Variants in OCA2 observed in about 807,000 individuals in gnomAD.
The protein encoded by OCA2 is OCA2 melanosomal transmembrane protein, also known as P protein.
In OCA2, 77 loss-of-function variants were observed where a neutral mutation model predicts 100.2. The observed-to-expected ratio is 0.77, with a 90% CI of 0.64 to 0.93. The LOEUF is 0.93. Ranked by LOEUF, OCA2 falls within the 40% of genes least tolerant of loss-of-function variation. The probability of loss-of-function intolerance (pLI) is 0.00; values close to 1 mark genes in which losing one functional copy is unlikely to be tolerated. For missense variants in OCA2, 1,062 were observed against 1,089.1 expected, an observed-to-expected ratio of 0.98 and a Z score of 0.35; for synonymous variants, 432 against 439.2, an observed-to-expected ratio of 0.98 and a Z score of 0.21.
the OCA2 span, among the ~76,000 whole-genome samples, chr15:27,726,880 A>G: frequency 6.6e-6 from 1 of 152,264 alleles, no homozygotes; most frequent in Non-Finnish European, 1.5e-5. Flanking sequence ...CATTACATGC[A>G]GGGGAACCTG....
intron 2 of OCA2, among the ~76,000 whole-genome samples, chr15:28,056,631 T>G (rs1382616797): frequency 6.6e-6 from 1 of 152,234 alleles, no homozygotes; most frequent in Non-Finnish European, 1.5e-5. Context: ...GCATCAGCAG[T>G]GGACATGTGT....
chr15:27,796,853 C>T (rs1003517310), intron 23 of OCA2, among the ~76,000 whole-genome samples: 1 of 152,320 alleles, frequency 6.6e-6, no homozygotes, highest in East Asian at 1.9e-4. Flanking sequence ...TTCTCCAGCC[C>T]CGCCTACCCA....
At chr15:27,873,284 A>C (rs112382390) in intron 19 of OCA2, among the ~76,000 whole-genome samples, 2,394 of 152,312 alleles carry the variant, frequency 0.016, 56 homozygotes, top group African/African-American at 0.05. Flanking sequence ...CACCTCACCA[A>C]CACCAGTGTG....
intron 9 of OCA2, among the ~76,000 whole-genome samples, chr15:27,994,860 C>T (rs1228324683): frequency 6.6e-6 from 1 of 152,100 alleles, no homozygotes; most frequent in African/African-American, 2.4e-5. Flanking sequence ...AGCTAGTCAT[C>T]ATGTAAATTC....
chr15:27,753,750 A>AAAAG (rs575331641), downstream of OCA2, among the ~76,000 whole-genome samples: 199 of 152,068 alleles, frequency 1.3e-3, 1 homozygote, highest in African/African-American at 3.7e-3. Flanking sequence ...AAGAAAAAAG[A>AAAAG]AAAGAAAGAA....
At chr15:27,891,623 G>T (rs1270330383) in intron 19 of OCA2, among the ~76,000 whole-genome samples, 3 of 152,112 alleles carry the variant, frequency 2.0e-5, no homozygotes, top group African/African-American at 7.2e-5. Context: ...TCACTTGCAT[G>T]GATTCAACAT....
At chr15:27,830,100 A>G (rs2034894481) in intron 23 of OCA2, among the ~76,000 whole-genome samples, 1 of 152,266 alleles carries the variant, frequency 6.6e-6, no homozygotes, top group Non-Finnish European at 1.5e-5. Flanking sequence ...AAGAACAGTC[A>G]GAAAAACACT....
chr15:27,770,901 T>C (rs2031747916), intron 23 of OCA2, among the ~76,000 whole-genome samples: 1 of 127,216 alleles, frequency 7.9e-6, no homozygotes, highest in Non-Finnish European at 1.7e-5. Context: ...CATCTCCTTT[T>C]CCTTCCTTCC....
At chr15:28,047,541 A>G (rs1002967342) in intron 2 of OCA2, among the ~76,000 whole-genome samples, 2 of 152,202 alleles carry the variant, frequency 1.3e-5, no homozygotes, top group African/African-American at 2.4e-5. Flanking sequence ...GCCATCTTCC[A>G]TCTTAAGCAT....
intron 9 of OCA2, among the ~76,000 whole-genome samples, chr15:28,004,488 G>C (rs1355699937): frequency 5.9e-5 from 9 of 152,008 alleles, no homozygotes; most frequent in Non-Finnish European, 1.3e-4. Context: ...CCCACACACA[G>C]ACACACACAC....
intron 2 of OCA2, among the ~76,000 whole-genome samples, chr15:28,059,897 G>A (rs1263333668): frequency 6.6e-6 from 1 of 152,212 alleles, no homozygotes; most frequent in East Asian, 1.9e-4. Flanking sequence ...TTCTATTTAA[G>A]AGTCTCTCTT....
intron 19 of OCA2, among the ~76,000 whole-genome samples, chr15:27,905,352 AAAGAG>A (rs2038135227): frequency 1.3e-5 from 2 of 152,300 alleles, no homozygotes; most frequent in South Asian, 4.1e-4. Flanking sequence ...TCTGAACTGA[AAAGAG>A]AAAAGTGAAA....
intron 19 of OCA2, among the ~76,000 whole-genome samples, chr15:27,922,703 GT>G (rs1412541668): frequency 3.3e-5 from 5 of 151,504 alleles, no homozygotes; most frequent in African/African-American, 1.2e-4. Context: ...GTGTGTGTGT[GT>G]GTGTGTGTGT....
At chr15:27,862,270 T>C (rs1245481474) in intron 21 of OCA2, among the ~76,000 whole-genome samples, 1 of 151,012 alleles carries the variant, frequency 6.6e-6, no homozygotes, top group Non-Finnish European at 1.5e-5. Context: ...GAAAGCGTGG[T>C]CGTCAGCCTC....
At position 28,030,844 on chromosome 15, in the gene OCA2, G is replaced by T. The variant is rs146327469; in HGVS notation, c.326+1221C>A. On this transcript the variant is annotated intron_variant, in intron 3 of 23. Transcript: ENST00000354638. The stretch of plus-strand genomic sequence containing the variant: ...ATTATTTTGAGTCTTAAAAGAATGT[G>T]ATTATGAAAAGAGTCACATAAAAGG... 5.2e-4 allele frequency among the ~76,000 whole-genome samples: 79 copies of T among 152,332 alleles called. 1 individual carries two copies. In the East Asian group the frequency reaches 7.3e-3, roughly 14 times the overall value.
chr15:27,958,440 G>A (rs2040302817), intron 15 of OCA2, among the ~76,000 whole-genome samples: 1 of 152,192 alleles, frequency 6.6e-6, no homozygotes, highest in Admixed American at 6.5e-5. Context: ...AAGGTGCTCA[G>A]CGCTCTCCAA....
chr15:27,957,671 C>G lies in OCA2; in HGVS notation c.1701G>C (p.Glu567Asp), dbSNP rs1214855230. The G allele has an allele frequency of 1.2e-6, 2 of 1,613,140 alleles. No homozygotes were observed. Among genetic ancestry groups the G allele is most frequent in the East Asian group, 4.5e-5 (2 of 44,854 alleles). ...GCAGCAGGCGGCGCACAGCTGTCTC[C>G]TCGCGGCTGGCCGGGCTGATGCGCT... ...TAQRISPASR[E>D]ETAVRRLLLG... is the part of the protein sequence containing the mutation. Residue 567 changes from glutamate to aspartate, a missense_variant, in exon 16 of 24, where the codon GAG (glutamate) becomes GAC (aspartate). By Grantham distance (45) the Glu-to-Asp change is conservative. Transcript: ENST00000354638. This position sits in a 1 kb window ranked among gnomAD's most constrained non-coding sequence, Gnocchi z 4.3.
intron 2 of OCA2, among the ~76,000 whole-genome samples, chr15:28,075,888 G>C (rs2044413587): frequency 1.3e-5 from 2 of 152,238 alleles, no homozygotes; most frequent in South Asian, 4.1e-4. Flanking sequence ...ACGGGAAAAG[G>C]AAGCAGCCAA....
chr15:27,990,817 C>T (rs1347968265), intron 9 of OCA2, among the ~76,000 whole-genome samples, 170 bp from the exon 10 acceptor site: 1 of 152,222 alleles, frequency 6.6e-6, no homozygotes, highest in African/African-American at 2.4e-5. Context: ...CAGACACATA[C>T]AGCTACCACC....
Sources: gnomAD v4.1 joint callset for allele counts (sites outside exome capture counted in the v4.1 genomes callset) on GRCh38, gnomAD v4.1.1 for gene constraint, Gnocchi (gnomAD v3.1) non-coding constraint, MANE v1.5 for transcripts, NCBI Gene and HGNC (gene_info 2026-07-23, HGNC 2026-07-21) for gene names.